The following CTTNBP2NL variants were observed in gnomAD, a reference collection of about 807,000 sequenced individuals.
The protein encoded by CTTNBP2NL is CTTNBP2 N-terminal-like protein.
A neutral mutation model predicts 32.5 loss-of-function variants in CTTNBP2NL; 16 were observed. The observed-to-expected ratio is 0.49, with a 90% CI of 0.33 to 0.75. The LOEUF (loss-of-function observed/expected upper bound fraction) is 0.75. CTTNBP2NL is among the 30% of genes least tolerant of loss of function. CTTNBP2NL has a pLI of 0.02. For synonymous variants in CTTNBP2NL, 298 were observed against 289.4 expected, an observed-to-expected ratio of 1.03 and a Z score of -0.30; for missense variants, 645 against 756.0, an observed-to-expected ratio of 0.85 and a Z score of 1.72.
intron 3 of CTTNBP2NL, among the ~76,000 whole-genome samples, chr1:112,427,924 A>G (rs1649450541): frequency 6.7e-6 from 1 of 150,346 alleles, no homozygotes; most frequent in African/African-American, 2.4e-5. Context: ...TAAATCCTTT[A>G]TTAATAGCTA....
intron 1 of CTTNBP2NL, among the ~76,000 whole-genome samples, chr1:112,398,057 C>T (rs1319097339): frequency 6.6e-6 from 1 of 152,076 alleles, no homozygotes; most frequent in Non-Finnish European, 1.5e-5. Flanking sequence ...AAGGGTAAGA[C>T]GTGAGCTCCC....
At chr1:112,400,307 G>T (rs1387108790) in intron 1 of CTTNBP2NL, among the ~76,000 whole-genome samples, 4 of 152,126 alleles carry the variant, frequency 2.6e-5, no homozygotes, top group Admixed American at 2.6e-4. Flanking sequence ...TGTCTTCACC[G>T]TAGCTCAGTC....
Position 112,449,149 on chromosome 1 carries a change from G to C in CTTNBP2NL, c.307G>C (p.Ala103Pro). ...MQERMLSQLA[A>P]AESRHRKVIL... Reference sequence around the variant, plus strand: ...GGAGCGCATGCTGTCCCAGCTGGCTGCTGCTGAGAGCAGGCACCGAAAGGT... The same window carrying C: ...GGAGCGCATGCTGTCCCAGCTGGCTCCTGCTGAGAGCAGGCACCGAAAGGT... Residue 103 changes from alanine to proline, a missense_variant, in exon 4 of 6, where the codon GCT becomes CCT. Physicochemically the swap from Ala to Pro is conservative, Grantham distance 27. Coordinates refer to ENST00000271277, the MANE Select transcript of CTTNBP2NL (RefSeq NM_018704.3). The C allele has an allele frequency of 6.2e-7, 1 of 1,610,806 alleles. No homozygotes were observed. Among genetic ancestry groups the C allele is most frequent in the Non-Finnish European group, 8.5e-7 (1 of 1,177,138 alleles).
Position 112,454,562 on chromosome 1 carries a change from T to C in CTTNBP2NL, c.438+6T>C. On this transcript the variant is annotated splice_donor_region_variant and intron_variant, in intron 5 of 5. Coordinates refer to ENST00000271277, the MANE Select transcript of CTTNBP2NL (RefSeq NM_018704.3). Reference sequence around the variant, plus strand: ...GAGAGAGGCTGACTCAACAGGTAATTAAGGTAGAGGGATTCACAGTAGCAT... The same window carrying C: ...GAGAGAGGCTGACTCAACAGGTAATCAAGGTAGAGGGATTCACAGTAGCAT... The C allele has an allele frequency of 6.3e-7, 1 of 1,577,886 alleles. No individual in the cohort carries two copies. The highest frequency in any genetic ancestry group is 8.7e-7 in the Non-Finnish European group (1 of 1,147,222).
chr1:112,408,955 C>T (rs1366929197), intron 1 of CTTNBP2NL, among the ~76,000 whole-genome samples: 1 of 151,960 alleles, frequency 6.6e-6, no homozygotes, highest in African/African-American at 2.4e-5. Flanking sequence ...GGTGAGACCC[C>T]CGTCTCTACT....
chr1:112,460,426 G>GA lies in CTTNBP2NL; in HGVS notation c.*3019dup, dbSNP rs1277222358. 6.6e-5 allele frequency: 10 copies of GA among 152,238 alleles called. 1 individual carries two copies. In the East Asian group the frequency reaches 1.9e-3, roughly 29 times the overall value. The allele number at this position is 152,238 out of a possible 1,614,324, so 9.4% of individuals were successfully genotyped here. On this transcript the variant is annotated 3_prime_UTR_variant, in exon 6 of 6. Transcript: ENST00000271277. ...GATTTTCTTTAGAGTCTTAGAGCTGGAAAAAGCCTTTACAATAATCCAGTC... is the reference window on the plus strand; with the variant it reads ...GATTTTCTTTAGAGTCTTAGAGCTGGAAAAAAGCCTTTACAATAATCCAGTC...
At chr1:112,433,985 G>T (rs929471068) in intron 3 of CTTNBP2NL, among the ~76,000 whole-genome samples, 1 of 151,170 alleles carries the variant, frequency 6.6e-6, no homozygotes, top group African/African-American at 2.4e-5. Flanking sequence ...CAGTCTTTCC[G>T]CCTTGGCCTC....
chr1:112,444,219 C>CATTG (rs1178760931), intron 3 of CTTNBP2NL, among the ~76,000 whole-genome samples: 5 of 152,110 alleles, frequency 3.3e-5, no homozygotes, highest in African/African-American at 4.8e-5. Context: ...AATTCTTCAC[C>CATTG]ATTGGATTTT....
intron 2 of CTTNBP2NL, among the ~76,000 whole-genome samples, chr1:112,414,055 A>T (rs1319171249): frequency 6.7e-6 from 1 of 150,306 alleles, no homozygotes; most frequent in Admixed American, 6.7e-5. Flanking sequence ...TCTCAAAAAA[A>T]TAAATAAATA....
Position 112,458,977 on chromosome 1 carries a change from A to G in CTTNBP2NL, c.*1565A>G, listed in dbSNP as rs1292335774. ...CCGCATTTAAAAAGGGCATCTGTTC[A>G]GCTCCATCTGCTTGCTGCGGTGCAA... On this transcript the variant is annotated 3_prime_UTR_variant, in exon 6 of 6. Transcript: ENST00000271277. 6.6e-6 allele frequency: 1 copy of G among 152,244 alleles called. No homozygotes were observed. The highest frequency in any genetic ancestry group is 1.5e-5 in the Non-Finnish European group (1 of 68,046). 9.4% of individuals were successfully genotyped at this position (152,244 alleles called of 1,614,324 possible).
intron 5 of CTTNBP2NL, 75 bp downstream of exon 5, chr1:112,454,631 A>C (rs1317226796): frequency 1.9e-5 from 21 of 1,093,444 alleles, no homozygotes; most frequent in Middle Eastern, 2.0e-4. Context: ...GCAGGATGCC[A>C]ACTGGTATTG....
rs141224874 is a variant in CTTNBP2NL, at chr1:112,442,230, A to G, written c.100-6712A>G. On this transcript the variant is annotated intron_variant, in intron 3 of 5. Coordinates refer to ENST00000271277, the MANE Select transcript of CTTNBP2NL (RefSeq NM_018704.3). ...AGCCTCTGCCTCCCAGGTTCAAGCAATTCTCCTGCCTCAGCCTCCCAAGTG... is the reference window on the plus strand; with the variant it reads ...AGCCTCTGCCTCCCAGGTTCAAGCAGTTCTCCTGCCTCAGCCTCCCAAGTG... 6.3e-3 allele frequency among the ~76,000 whole-genome samples: 962 copies of G among 152,164 alleles called. 9 individuals are homozygous for G. The highest frequency in any genetic ancestry group is 0.022 in the African/African-American group (903 of 41,512).
chr1:112,414,720 T>G (rs1166483262), intron 2 of CTTNBP2NL: 1 of 152,254 alleles, frequency 6.6e-6, no homozygotes, highest in Non-Finnish European at 1.5e-5. Context: ...CTTCCAAGAT[T>G]GTACAGCAGT....
Position 112,456,521 on chromosome 1 carries a change from C to G in CTTNBP2NL, c.1029C>G (p.Tyr343Ter), listed in dbSNP as rs759507328. The G allele has an allele frequency of 1.9e-6, 3 of 1,614,036 alleles. No homozygotes were observed. Among genetic ancestry groups the G allele is most frequent in the Non-Finnish European group, 2.5e-6 (3 of 1,180,026 alleles). Residue 343 changes from tyrosine to a stop codon, truncating the protein, a stop_gained, in exon 6 of 6, where the codon TAC (tyrosine) becomes TAG (stop). Transcript: ENST00000271277. LOFTEE classifies it low-confidence loss of function (END_TRUNC). ...TGLPGPATPA[Y>*]SYAKTNGHCD... ...TGCCTGGTCCTGCCACTCCTGCTTA[C>G]TCATATGCAAAAACCAATGGCCATT...
chr1:112,456,661 G>C lies in CTTNBP2NL; in HGVS notation c.1169G>C (p.Gly390Ala), dbSNP rs142018273. 2.5e-6 allele frequency: 4 copies of C among 1,614,048 alleles called. No individual in the cohort carries two copies. In the African/African-American group the frequency reaches 5.3e-5, roughly 22 times the overall value. ...GCCCAAGAGAAACCAGTGGAGAATG[G>C]TGGGTGTCCTGTGGGGATTGAGACT... Reference protein sequence around the residue: ...ALAQEKPVENGGCPVGIETPV... With the variant: ...ALAQEKPVENAGCPVGIETPV... The change falls in exon 6 of 6, where the codon GGT becomes GCT. Residue 390 changes from glycine (G) to alanine (A), a missense_variant. Gly to Ala is a moderately conservative substitution (Grantham distance 60). Transcript: ENST00000271277.
chr1:112,403,111 G>A (rs1438627912), intron 1 of CTTNBP2NL, among the ~76,000 whole-genome samples: 1 of 152,036 alleles, frequency 6.6e-6, no homozygotes, highest in Non-Finnish European at 1.5e-5. Flanking sequence ...TCTTTTTAAT[G>A]TCTCTTTTGT....
chr1:112,432,232 C>T (rs1017065946), intron 3 of CTTNBP2NL, among the ~76,000 whole-genome samples: 8 of 151,826 alleles, frequency 5.3e-5, no homozygotes, highest in Admixed American at 5.3e-4. Context: ...CGCCACCACA[C>T]CCAGCTAATT....
chr1:112,458,776 A>G lies in CTTNBP2NL; in HGVS notation c.*1364A>G, dbSNP rs1378463221. The stretch of plus-strand genomic sequence containing the variant: ...CTCTTGAGACCAGGTGTTCAAGACC[A>G]GCCTCATCAACATAGTGAGACCCCA... On this transcript the variant is annotated 3_prime_UTR_variant, in exon 6 of 6. Coordinates refer to ENST00000271277, the MANE Select transcript of CTTNBP2NL (RefSeq NM_018704.3). The G allele has an allele frequency of 6.6e-6, 1 of 152,232 alleles. No homozygotes were observed. The highest frequency in any genetic ancestry group is 1.9e-4 in the East Asian group (1 of 5,188). 9.4% of individuals were successfully genotyped at this position (152,232 alleles called of 1,614,324 possible).
chr1:112,410,997 G>A (rs1648845812), intron 1 of CTTNBP2NL, among the ~76,000 whole-genome samples: 2 of 152,280 alleles, frequency 1.3e-5, no homozygotes, highest in South Asian at 4.1e-4. Flanking sequence ...TAATGAATAT[G>A]GGGCTAGAAA....
Sources: allele counts gnomAD v4.1 joint callset (sites outside exome capture counted in the v4.1 genomes callset), GRCh38; gene constraint gnomAD v4.1.1; transcripts MANE v1.5; gene names NCBI Gene and HGNC (gene_info 2026-07-23, HGNC 2026-07-21).